The following C2CD3 variants were observed in gnomAD, a reference collection of about 807,000 sequenced individuals.
C2CD3 encodes C2 domain containing 3 centriole elongation regulator.
In C2CD3, 148 loss-of-function variants were observed where a neutral mutation model predicts 234.0. The ratio of observed to expected loss-of-function variants is 0.63; its 90% CI spans 0.55 to 0.72. C2CD3 has a LOEUF of 0.72. Ranked by LOEUF, C2CD3 falls within the 30% of genes least tolerant of loss-of-function variation. C2CD3 has a pLI of 0.00. For synonymous variants in C2CD3, 1,000 were observed against 1,035.4 expected (o/e 0.97, Z 0.66); for missense variants, 2,577 against 2,811.5 (o/e 0.92, Z 1.89).
chr11:74,042,140 A>T lies in C2CD3; in HGVS notation c.5574T>A (p.His1858Gln). ...ATGGCAAGGGTGCCTCTCCCTGAAG[A>T]TGCAGGGATTCATGAAACCGGCGAA... is the stretch of plus-strand genomic sequence containing the variant. ...QNIRRFHESL[H>Q]LQGEAPLPCD... The change falls in exon 29 of 33, where the codon CAT becomes CAA. Residue 1858 changes from histidine (H) to glutamine (Q), a missense_variant. Coordinates refer to ENST00000334126, the MANE Select transcript of C2CD3 (RefSeq NM_001286577.2). The T allele has an allele frequency of 6.2e-7, 1 of 1,612,468 alleles. No homozygotes were observed. Among genetic ancestry groups the T allele is most frequent in the Non-Finnish European group, 8.5e-7 (1 of 1,179,402 alleles).
chr11:74,092,351 G>A (rs371900540), intron 19 of C2CD3, 65 bp downstream of exon 19: 45 of 1,461,838 alleles, frequency 3.1e-5, no homozygotes, highest in South Asian at 4.6e-5. Flanking sequence ...CACCGCACCC[G>A]GCTATTTTAT....
intron 2 of C2CD3, among the ~76,000 whole-genome samples, chr11:74,165,914 G>C (rs748487866): frequency 2.6e-5 from 4 of 152,090 alleles, no homozygotes; most frequent in Non-Finnish European, 5.9e-5. Context: ...GGCTGGTCTT[G>C]AACTCTTGGC....
At chr11:74,038,267 A>C (rs943783952) in intron 29 of C2CD3, among the ~76,000 whole-genome samples, 1 of 152,220 alleles carries the variant, frequency 6.6e-6, no homozygotes, top group Non-Finnish European at 1.5e-5. Flanking sequence ...TTGGCACAAA[A>C]CAAAAGAATG....
chr11:74,119,114 T>G (rs1388796009), intron 8 of C2CD3, among the ~76,000 whole-genome samples: 1 of 151,972 alleles, frequency 6.6e-6, no homozygotes, highest in Admixed American at 6.6e-5. Flanking sequence ...TTGGCCATGT[T>G]GCTCAGGCAG....
intron 1 of C2CD3, among the ~76,000 whole-genome samples, chr11:74,169,798 A>G (rs1280329572): frequency 6.6e-6 from 1 of 152,180 alleles, no homozygotes; most frequent in Admixed American, 6.5e-5. Flanking sequence ...TCCTGGCAGG[A>G]AAGTCAGTAT....
chr11:74,138,706 A>T lies in C2CD3; in HGVS notation c.955+14T>A, dbSNP rs1957948561. 1 of 1,608,620 alleles carries T rather than the reference A, an allele frequency of 6.2e-7. No individual in the cohort carries two copies. Among genetic ancestry groups the T allele is most frequent in the Admixed American group, 1.7e-5 (1 of 59,966 alleles). On this transcript the variant is annotated intron_variant, in intron 5 of 32. Transcript: ENST00000334126. ...CGTAGTTTAGTCTGACTCAGTTCAC[A>T]AATACATACATACCTGAAAGAAGAT...
intron 32 of C2CD3, among the ~76,000 whole-genome samples, chr11:74,026,311 A>T (rs574046260): frequency 7.6e-6 from 1 of 131,308 alleles, no homozygotes; most frequent in African/African-American, 3.9e-5. Context: ...TGTCTCAAGG[A>T]AAAAAAAAAA....
rs187516412 is a variant in C2CD3 at position 74,063,374 on chromosome 11, C to G, written c.4952-5830G>C. ...CCCTGATGAACATCAATGCAAAAAT[C>G]CTCAATAAAATACTGGCAAACCGAA... On this transcript the variant is annotated intron_variant, in intron 24 of 32. Coordinates refer to ENST00000334126, the MANE Select transcript of C2CD3 (RefSeq NM_001286577.2). Among the ~76,000 whole-genome samples the G allele has an allele frequency of 5.1e-3, 770 of 152,196 alleles. 6 individuals are homozygous for G. Among genetic ancestry groups the G allele is most frequent in the African/African-American group, 0.018 (743 of 41,540 alleles).
chr11:74,034,332 A>C, intron 30 of C2CD3, 54 bp from the exon 31 acceptor site: 1 of 1,492,424 alleles, frequency 6.7e-7, no homozygotes, highest in Non-Finnish European at 8.9e-7. Context: ...AGACCCCTCA[A>C]ATTTCCCACA....
intron 4 of C2CD3, 44 bp from the exon 5 acceptor site, chr11:74,139,011 T>G (rs1341588682): frequency 2.0e-6 from 3 of 1,499,698 alleles, no homozygotes; most frequent in Non-Finnish European, 1.8e-6. Context: ...TATAATCTAT[T>G]ATGGTAACAT....
chr11:74,080,256 G>A (rs1051430771), intron 22 of C2CD3, among the ~76,000 whole-genome samples: 1 of 152,138 alleles, frequency 6.6e-6, no homozygotes, highest in African/African-American at 2.4e-5. Flanking sequence ...ATTACTTAAG[G>A]TTTTATGACT....
intron 29 of C2CD3, among the ~76,000 whole-genome samples, chr11:74,038,798 T>G (rs965981236): frequency 1.3e-5 from 2 of 152,242 alleles, no homozygotes; most frequent in African/African-American, 4.8e-5. Flanking sequence ...GATTTTCCCT[T>G]AATTGTCTCA....
At chr11:74,119,641 T>G (rs1957145959) in intron 8 of C2CD3, among the ~76,000 whole-genome samples, 1 of 151,406 alleles carries the variant, frequency 6.6e-6, no homozygotes, top group Admixed American at 6.6e-5. Context: ...ACAACTTTTT[T>G]TTTTTTTTTT....
chr11:74,103,654 T>C (rs756566995), intron 13 of C2CD3, 29 bp from the exon 14 acceptor site: 8 of 1,574,948 alleles, frequency 5.1e-6, no homozygotes, highest in Non-Finnish European at 6.9e-6. Context: ...GAAGAGTCAA[T>C]AAGAATGTCC....
At chr11:74,162,291 G>A (rs1002854132) in intron 2 of C2CD3, among the ~76,000 whole-genome samples, 1 of 152,068 alleles carries the variant, frequency 6.6e-6, no homozygotes, top group Non-Finnish European at 1.5e-5. Context: ...AGAAAAAAAA[G>A]TGCTGACTGT....
intron 23 of C2CD3, among the ~76,000 whole-genome samples, chr11:74,075,048 C>T (rs1469195675): frequency 3.3e-5 from 5 of 152,124 alleles, no homozygotes; most frequent in Admixed American, 1.3e-4. Context: ...TGCGCCACTG[C>T]ACTCCAGCCT....
intron 30 of C2CD3, chr11:74,034,553 T>G: frequency 1.9e-6 from 3 of 1,613,760 alleles, no homozygotes; most frequent in Non-Finnish European, 2.5e-6. Context: ...CAGGAATCGT[T>G]GGGAGCTGGG....
At chr11:74,061,979 C>T (rs1954272453) in intron 24 of C2CD3, among the ~76,000 whole-genome samples, 1 of 152,100 alleles carries the variant, frequency 6.6e-6, no homozygotes, top group African/African-American at 2.4e-5. Context: ...CAATCCTAGT[C>T]TCTGATAAAA....
chr11:74,040,908 G>A (rs929095519), intron 29 of C2CD3, among the ~76,000 whole-genome samples: 30 of 144,764 alleles, frequency 2.1e-4, no homozygotes, highest in Middle Eastern at 7.3e-3. Context: ...ACACACACAC[G>A]CACACACACA....
Sources: allele counts gnomAD v4.1 joint callset (sites outside exome capture counted in the v4.1 genomes callset), GRCh38; gene constraint gnomAD v4.1.1; transcripts MANE v1.5; gene names NCBI Gene and HGNC (gene_info 2026-07-23, HGNC 2026-07-21).